ESRRG: variants seen among roughly 807,000 people sequenced by gnomAD.
ESRRG encodes the protein estrogen related receptor gamma, also known as estrogen-related receptor gamma.
Under a neutral mutation model 44.0 loss-of-function variants are expected in ESRRG, and 13 were observed. That is an observed-to-expected ratio of 0.30 (90% confidence interval 0.19 to 0.47). ESRRG has a LOEUF of 0.47. ESRRG is among the 20% of genes least tolerant of loss of function. The probability of loss-of-function intolerance (pLI) is 1.00; values close to 1 mark genes in which losing one functional copy is unlikely to be tolerated. For missense variants in ESRRG, 395 were observed against 580.6 expected, an observed-to-expected ratio of 0.68 and a Z score of 3.29; for synonymous variants, 215 against 214.6, an observed-to-expected ratio of 1.00 and a Z score of -0.02.
At chr1:216,834,922 C>A (rs1188750168) in intron 2 of ESRRG, among the ~76,000 whole-genome samples, 1 of 152,048 alleles carries the variant, frequency 6.6e-6, no homozygotes, top group Non-Finnish European at 1.5e-5. Context: ...GTCATTGGAG[C>A]CTTAGAGACA....
chr1:216,783,098 G>A (rs562466289), intron 2 of ESRRG, among the ~76,000 whole-genome samples: 6 of 152,022 alleles, frequency 3.9e-5, no homozygotes, highest in East Asian at 1.9e-4. Context: ...GGAATCTCAC[G>A]GTGGCTGGGA....
intron 5 of ESRRG, among the ~76,000 whole-genome samples, chr1:216,522,798 A>G (rs1028099380): frequency 2.0e-5 from 3 of 152,204 alleles, no homozygotes; most frequent in African/African-American, 7.2e-5. Flanking sequence ...ATGTTTTAAT[A>G]AGCTGAGTCT....
intron 5 of ESRRG, among the ~76,000 whole-genome samples, chr1:216,551,386 C>T (rs1366722148): frequency 1.3e-5 from 2 of 152,054 alleles, no homozygotes; most frequent in Non-Finnish European, 2.9e-5. Flanking sequence ...AAGCTTATTT[C>T]CATATTCAGA....
intron 1 of ESRRG, among the ~76,000 whole-genome samples, chr1:216,980,905 T>C (rs2073852139): frequency 2.3e-5 from 3 of 129,390 alleles, no homozygotes; most frequent in Non-Finnish European, 5.7e-5. Flanking sequence ...CTGCCTTTCA[T>C]ATGCTCTTCT....
At chr1:216,889,872 T>C (rs1392105865) in intron 2 of ESRRG, among the ~76,000 whole-genome samples, 1 of 152,168 alleles carries the variant, frequency 6.6e-6, no homozygotes, top group Non-Finnish European at 1.5e-5. Flanking sequence ...GATGAAAAGG[T>C]CTCTTTTTAT....
intron 2 of ESRRG, among the ~76,000 whole-genome samples, chr1:216,760,137 T>C (rs1471220583): frequency 6.6e-6 from 1 of 151,826 alleles, no homozygotes; most frequent in Admixed American, 6.6e-5. Context: ...TTCAACATTG[T>C]CTCCCCAGCG....
chr1:216,642,326 T>A (rs1235306963), intron 3 of ESRRG, among the ~76,000 whole-genome samples: 5 of 152,032 alleles, frequency 3.3e-5, no homozygotes, highest in Non-Finnish European at 7.4e-5. Context: ...CTCTCAAAAA[T>A]CTGTGTTATT....
intron 2 of ESRRG, among the ~76,000 whole-genome samples, chr1:216,892,721 G>A (rs1238856539): frequency 6.6e-6 from 1 of 152,050 alleles, no homozygotes; most frequent in East Asian, 1.9e-4. Flanking sequence ...CTGATCTATG[G>A]CAATGAACAC....
At chr1:216,533,400 G>C (rs1166320815) in intron 5 of ESRRG, among the ~76,000 whole-genome samples, 1 of 152,138 alleles carries the variant, frequency 6.6e-6, no homozygotes, top group Non-Finnish European at 1.5e-5. Context: ...AATGCCTCAA[G>C]ATATGAGAGA....
At chr1:216,623,152 G>A (rs1438327388) in intron 3 of ESRRG, among the ~76,000 whole-genome samples, 5 of 128,100 alleles carry the variant, frequency 3.9e-5, no homozygotes, top group Admixed American at 1.0e-4. Context: ...CCGCGATCTC[G>A]GCTCACTGCA....
At chr1:216,786,628 C>T (rs1194076757) in intron 2 of ESRRG, among the ~76,000 whole-genome samples, 2 of 152,046 alleles carry the variant, frequency 1.3e-5, no homozygotes, top group Non-Finnish European at 2.9e-5. Context: ...TTAGCTAATA[C>T]TAAAGGAAGC....
intron 1 of ESRRG, among the ~76,000 whole-genome samples, chr1:216,946,614 C>T (rs934732237): frequency 1.3e-5 from 2 of 152,090 alleles, no homozygotes; most frequent in Admixed American, 6.6e-5. Context: ...CTAATAATGT[C>T]GATTAATTAG....
intron 2 of ESRRG, among the ~76,000 whole-genome samples, chr1:216,758,673 A>C (rs932122898): frequency 2.6e-5 from 4 of 152,004 alleles, no homozygotes; most frequent in Non-Finnish European, 1.5e-5. Context: ...TGGCGCCTAC[A>C]AGCCAGCCTA....
chr1:216,673,995 A>C (rs553209803), intron 2 of ESRRG, among the ~76,000 whole-genome samples: 61 of 152,366 alleles, frequency 4.0e-4, no homozygotes, highest in African/African-American at 1.4e-3. Context: ...CCTCTTGCTT[A>C]TATCAGCGCA....
intron 3 of ESRRG, among the ~76,000 whole-genome samples, chr1:216,648,488 C>G (rs1464085900): frequency 6.6e-6 from 1 of 152,118 alleles, no homozygotes; most frequent in Non-Finnish European, 1.5e-5. Flanking sequence ...TAGATAAGCA[C>G]TGTCCCATTC....
At chr1:216,779,442 A>AT (rs1387489105) in intron 2 of ESRRG, among the ~76,000 whole-genome samples, 2 of 83,670 alleles carry the variant, frequency 2.4e-5, no homozygotes, top group African/African-American at 9.4e-5. Context: ...TTATAAAAAT[A>AT]AATATTTATA....
chr1:216,589,456 C>T (rs868264396), intron 3 of ESRRG, among the ~76,000 whole-genome samples: 51 of 152,082 alleles, frequency 3.4e-4, no homozygotes, highest in African/African-American at 1.2e-3. Flanking sequence ...TGATGTGACC[C>T]AGGAAAGCCA....
At chr1:216,907,378 C>T (rs144419647) in intron 2 of ESRRG, among the ~76,000 whole-genome samples, 10 of 152,250 alleles carry the variant, frequency 6.6e-5, no homozygotes, top group Middle Eastern at 3.4e-3. Context: ...GATTCCGGCT[C>T]GGCAACTGTT....
intron 1 of ESRRG, among the ~76,000 whole-genome samples, chr1:217,095,438 A>G (rs977237580): frequency 6.6e-6 from 1 of 152,222 alleles, no homozygotes; most frequent in African/African-American, 2.4e-5. Flanking sequence ...ATTAGTGTAG[A>G]AAAATATGCA....
Sources: allele counts gnomAD v4.1 joint callset (sites outside exome capture counted in the v4.1 genomes callset), GRCh38; gene constraint gnomAD v4.1.1; transcripts MANE v1.5; gene names NCBI Gene and HGNC (gene_info 2026-07-23, HGNC 2026-07-21).